Variants in SPAG16 observed in about 807,000 individuals in gnomAD.
SPAG16 encodes the protein sperm-associated antigen 16 protein.
A neutral mutation model predicts 80.4 loss-of-function variants in SPAG16; 86 were observed. The observed-to-expected ratio is 1.07, with a 90% CI of 0.90 to 1.28. The LOEUF is 1.28. Among genes scored for constraint, SPAG16 ranks in the 50% most tolerant of loss-of-function variants. SPAG16 has a pLI of 0.00. For synonymous variants in SPAG16, 294 were observed against 265.9 expected (o/e 1.11, Z -1.03); for missense variants, 870 against 765.3 (o/e 1.14, Z -1.61).
chr2:214,256,752 G>A (rs1214875305), intron 15 of SPAG16, among the ~76,000 whole-genome samples: 1 of 151,828 alleles, frequency 6.6e-6, no homozygotes, highest in East Asian at 1.9e-4. Context: ...ACTTTCTATT[G>A]CCTCTTCAGT....
chr2:213,588,046 C>A (rs56032998), intron 10 of SPAG16, among the ~76,000 whole-genome samples: 13,766 of 152,178 alleles, frequency 0.09, 1,470 homozygotes, highest in African/African-American at 0.26. Context: ...TATACTGTAA[C>A]ATGTATTTTT....
intron 1 of SPAG16, among the ~76,000 whole-genome samples, chr2:213,284,942 C>T (rs189284308): frequency 9.2e-5 from 14 of 152,260 alleles, no homozygotes; most frequent in Admixed American, 8.5e-4. Flanking sequence ...TTGCTTCAAC[C>T]CTCCTTTCAA....
intron 10 of SPAG16, among the ~76,000 whole-genome samples, chr2:213,724,500 G>A (rs2066665590): frequency 6.6e-6 from 1 of 151,992 alleles, no homozygotes; most frequent in East Asian, 1.9e-4. Flanking sequence ...AAACTGGGCC[G>A]GGTGCAGTGG....
chr2:213,338,853 C>T (rs1209837284), intron 5 of SPAG16, among the ~76,000 whole-genome samples: 3 of 151,670 alleles, frequency 2.0e-5, no homozygotes, highest in African/African-American at 7.2e-5. Flanking sequence ...CACACACTGG[C>T]GCCTGTCAGG....
chr2:213,597,651 C>T (rs1559294432), intron 10 of SPAG16, among the ~76,000 whole-genome samples: 1 of 152,044 alleles, frequency 6.6e-6, no homozygotes. Context: ...TAGCTAAAGT[C>T]TATGCGCCTT....
intron 9 of SPAG16, among the ~76,000 whole-genome samples, chr2:213,455,477 G>T (rs1449262602): frequency 6.6e-6 from 1 of 152,072 alleles, no homozygotes; most frequent in Non-Finnish European, 1.5e-5. Context: ...ACCTCAAGGC[G>T]GTTTGTCAAC....
At chr2:213,308,647 A>T (rs1392811303) in intron 3 of SPAG16, among the ~76,000 whole-genome samples, 1 of 152,152 alleles carries the variant, frequency 6.6e-6, no homozygotes, top group African/African-American at 2.4e-5. Context: ...AGGTCATTAC[A>T]TAGTTTGTAA....
At chr2:213,356,421 C>T (rs1559448565) in intron 7 of SPAG16, among the ~76,000 whole-genome samples, 1 of 152,176 alleles carries the variant, frequency 6.6e-6, no homozygotes, top group Non-Finnish European at 1.5e-5. Context: ...GCCGCAATTT[C>T]AGAGCCTGTG....
At chr2:214,177,992 T>TATATAC (rs2057174995) in intron 15 of SPAG16, among the ~76,000 whole-genome samples, 1 of 70,262 alleles carries the variant, frequency 1.4e-5, no homozygotes, top group Non-Finnish European at 4.2e-5. Context: ...TATATATATA[T>TATATAC]ATATATATAT....
intron 15 of SPAG16, among the ~76,000 whole-genome samples, chr2:214,175,486 G>C (rs2057048947): frequency 6.6e-6 from 1 of 151,016 alleles, no homozygotes; most frequent in Non-Finnish European, 1.5e-5. Context: ...TTCAAGATTT[G>C]AATTAAAGAA....
chr2:214,211,386 G>A (rs1322149011), intron 15 of SPAG16, among the ~76,000 whole-genome samples: 2 of 152,088 alleles, frequency 1.3e-5, no homozygotes, highest in Non-Finnish European at 2.9e-5. Flanking sequence ...CTGTCATATG[G>A]GTACAACTGG....
intron 15 of SPAG16, among the ~76,000 whole-genome samples, chr2:214,399,908 T>C (rs6705720): frequency 0.23 from 35,374 of 152,006 alleles, 5,918 homozygotes; most frequent in African/African-American, 0.47. Context: ...TATATGGGGT[T>C]CCTGAATAAA....
intron 10 of SPAG16, among the ~76,000 whole-genome samples, chr2:213,728,633 T>TG (rs1483020816): frequency 6.6e-6 from 1 of 152,020 alleles, no homozygotes; most frequent in Non-Finnish European, 1.5e-5. Context: ...CCCAGCACTT[T>TG]GGGAGGCCGA....
chr2:214,400,522 T>C (rs1701646407), intron 15 of SPAG16, among the ~76,000 whole-genome samples: 1 of 152,030 alleles, frequency 6.6e-6, no homozygotes, highest in Admixed American at 6.6e-5. Flanking sequence ...GCAAAAACTC[T>C]GCCATTTTAT....
chr2:214,143,326 A>G (rs973900840), intron 14 of SPAG16, among the ~76,000 whole-genome samples: 2 of 150,714 alleles, frequency 1.3e-5, no homozygotes, highest in East Asian at 2.0e-4. Flanking sequence ...TAATTACCCA[A>G]TTAGTGTTAG....
At chr2:213,391,981 C>T (rs2067777328) in intron 9 of SPAG16, among the ~76,000 whole-genome samples, 1 of 152,180 alleles carries the variant, frequency 6.6e-6, no homozygotes, top group Non-Finnish European at 1.5e-5. Context: ...CTCATAAAAC[C>T]TGTACACAAC....
intron 10 of SPAG16, among the ~76,000 whole-genome samples, chr2:213,628,570 A>G (rs1398474703): frequency 6.6e-6 from 1 of 152,230 alleles, no homozygotes; most frequent in African/African-American, 2.4e-5. Flanking sequence ...AACATTGCAC[A>G]ATGGACCCGT....
intron 15 of SPAG16, among the ~76,000 whole-genome samples, chr2:214,317,067 G>T (rs143455266): frequency 2.6e-5 from 4 of 152,290 alleles, no homozygotes; most frequent in Admixed American, 6.5e-5. Context: ...CCAGGTTGCC[G>T]TGCCTGCTGC....
At chr2:213,922,602 C>T (rs1438839201) in intron 11 of SPAG16, among the ~76,000 whole-genome samples, 1 of 152,192 alleles carries the variant, frequency 6.6e-6, no homozygotes. Context: ...AGAAGGTACT[C>T]TGGCTTTTCA....
Sources: allele counts gnomAD v4.1 joint callset (sites outside exome capture counted in the v4.1 genomes callset), GRCh38; gene constraint gnomAD v4.1.1; transcripts MANE v1.5; gene names NCBI Gene and HGNC (gene_info 2026-07-23, HGNC 2026-07-21).